Variants in TSHZ2 observed in about 807,000 individuals in gnomAD.
TSHZ2 encodes the protein teashirt homolog 2.
Under a neutral mutation model 74.4 loss-of-function variants are expected in TSHZ2, and 21 were observed. That is an observed-to-expected ratio of 0.28 (90% confidence interval 0.20 to 0.41). The LOEUF is 0.41. Among genes scored for constraint, TSHZ2 ranks in the 10% least tolerant of loss-of-function variants. The pLI, the probability that TSHZ2 is intolerant of heterozygous loss-of-function variation, is 1.00. For synonymous variants in TSHZ2, 540 were observed against 515.3 expected, an observed-to-expected ratio of 1.05 and a Z score of -0.65; for missense variants, 1,244 against 1,293.5, an observed-to-expected ratio of 0.96 and a Z score of 0.59.
intron 1 of TSHZ2, among the ~76,000 whole-genome samples, chr20:53,048,610 T>C (rs1411527323): frequency 6.6e-6 from 1 of 152,164 alleles, no homozygotes; most frequent in Non-Finnish European, 1.5e-5. Flanking sequence ...AGCAGGAAAG[T>C]TTCCGGCGGA....
chr20:53,223,914 CA>C (rs1989623065), intron 1 of TSHZ2, among the ~76,000 whole-genome samples: 3 of 134,390 alleles, frequency 2.2e-5, no homozygotes, highest in Non-Finnish European at 5.3e-5. Context: ...CACACACACA[CA>C]CACACACACA....
intron 1 of TSHZ2, among the ~76,000 whole-genome samples, chr20:53,244,497 G>A (rs192064757): frequency 1.4e-4 from 21 of 152,130 alleles, no homozygotes; most frequent in African/African-American, 5.1e-4. Context: ...CTAAACTGGA[G>A]CTACCAAAAA....
intron 1 of TSHZ2, among the ~76,000 whole-genome samples, chr20:53,165,178 G>A (rs890998092): frequency 1.3e-5 from 2 of 152,158 alleles, no homozygotes; most frequent in African/African-American, 2.4e-5. Context: ...AACACTCATA[G>A]TGTGCCTATT....
intron 1 of TSHZ2, among the ~76,000 whole-genome samples, chr20:53,240,364 T>C (rs1200317779): frequency 1.3e-5 from 2 of 152,164 alleles, no homozygotes; most frequent in Non-Finnish European, 2.9e-5. Flanking sequence ...GCAACCATAG[T>C]GTCTCCTATG....
At chr20:53,197,887 G>A (rs1245591018) in intron 1 of TSHZ2, among the ~76,000 whole-genome samples, 1 of 152,160 alleles carries the variant, frequency 6.6e-6, no homozygotes, top group Non-Finnish European at 1.5e-5. Flanking sequence ...GCAAACCCAG[G>A]TAGCAGTAAA....
chr20:53,210,694 C>T (rs1989282749), intron 1 of TSHZ2, among the ~76,000 whole-genome samples: 1 of 152,056 alleles, frequency 6.6e-6, no homozygotes, highest in Admixed American at 6.6e-5. Context: ...CCTGTTCCCA[C>T]TTAAAGCTTC....
At chr20:53,454,685 A>C (rs1984978275) in intron 2 of TSHZ2, among the ~76,000 whole-genome samples, 1 of 152,076 alleles carries the variant, frequency 6.6e-6, no homozygotes, top group Non-Finnish European at 1.5e-5. Flanking sequence ...CCCCTTTCTC[A>C]AAGTAGCCCC....
chr20:53,315,509 C>A (rs1285449944), intron 2 of TSHZ2, among the ~76,000 whole-genome samples: 1 of 152,184 alleles, frequency 6.6e-6, no homozygotes, highest in Non-Finnish European at 1.5e-5. Context: ...TGTCAAAATT[C>A]TTTGAAAGTG....
intron 1 of TSHZ2, among the ~76,000 whole-genome samples, chr20:53,100,180 G>T (rs1986176008): frequency 2.0e-5 from 3 of 152,152 alleles, no homozygotes; most frequent in South Asian, 4.1e-4. Context: ...GAGAGTAAAA[G>T]ATGGAGCCTT....
chr20:53,210,642 G>A (rs183632742), intron 1 of TSHZ2, among the ~76,000 whole-genome samples: 1 of 151,988 alleles, frequency 6.6e-6, no homozygotes, highest in East Asian at 1.9e-4. Flanking sequence ...TGGGGGATAT[G>A]GAGGACCAAA....
chr20:53,185,449 C>T lies in TSHZ2; in HGVS notation c.41-68050C>T, dbSNP rs1217365086. On this transcript the variant is annotated intron_variant, in intron 1 of 2. Coordinates refer to ENST00000371497, the MANE Select transcript of TSHZ2 (RefSeq NM_173485.6). ...CAGCACTTTGGGAGGCCGAGGCAGG[C>T]AGATCAGATCATGAGGTCAGGAGTT... is the stretch of plus-strand genomic sequence containing the variant. 8 of 1,338,740 alleles carry T rather than the reference C, an allele frequency of 6.0e-6. No individual in the cohort carries two copies. In the Admixed American group the frequency reaches 2.1e-4, roughly 36 times the overall value. The allele number at this position is 1,338,740 out of a possible 1,614,324, so 82.9% of individuals were successfully genotyped here. A position where few individuals can be genotyped will look rare whatever the true frequency, so the allele number is the denominator to read the frequency against.
intron 2 of TSHZ2, among the ~76,000 whole-genome samples, chr20:53,404,484 C>T (rs1982773993): frequency 6.6e-6 from 1 of 152,178 alleles, no homozygotes. Flanking sequence ...CTAAAAGACA[C>T]TTGAAAGTAA....
chr20:53,250,470 T>C (rs1257472444), intron 1 of TSHZ2, among the ~76,000 whole-genome samples: 1 of 152,124 alleles, frequency 6.6e-6, no homozygotes, highest in Non-Finnish European at 1.5e-5. Context: ...TTTAGATGTA[T>C]AATATTGAAA....
intron 2 of TSHZ2, among the ~76,000 whole-genome samples, chr20:53,404,186 A>G (rs1397188035): frequency 1.3e-5 from 2 of 152,220 alleles, no homozygotes; most frequent in African/African-American, 4.8e-5. Flanking sequence ...ATAAATGGGA[A>G]AACGTGCATT....
At chr20:53,182,234 C>CTCCTTCCTTCCTTCTTTCCT (rs6147376) in intron 1 of TSHZ2, among the ~76,000 whole-genome samples, 44,216 of 146,168 alleles carry the variant, frequency 0.3, 7,386 homozygotes, top group East Asian at 0.77. Context: ...TCTTGACTCC[C>CTCCTTCCTTCCTTCTTTCCT]TCCTTCCTTC....
intron 1 of TSHZ2, among the ~76,000 whole-genome samples, chr20:53,183,707 C>G (rs577144471): frequency 1.3e-5 from 2 of 152,192 alleles, no homozygotes; most frequent in Admixed American, 1.3e-4. Flanking sequence ...GACTGACATA[C>G]TAGGGACCTG....
At chr20:53,450,559 C>T (rs970721472) in intron 2 of TSHZ2, among the ~76,000 whole-genome samples, 9 of 152,196 alleles carry the variant, frequency 5.9e-5, no homozygotes, top group African/African-American at 2.2e-4. Flanking sequence ...CTCTGTCACC[C>T]AAGCTCCAGG....
intron 2 of TSHZ2, among the ~76,000 whole-genome samples, chr20:53,365,559 T>C (rs1981227979): frequency 6.6e-6 from 1 of 152,156 alleles, no homozygotes; most frequent in African/African-American, 2.4e-5. Flanking sequence ...TTAGATGCCG[T>C]TTACGCTAAG....
At chr20:53,473,325 GCCT>G (rs1985887047) in intron 2 of TSHZ2, among the ~76,000 whole-genome samples, 1 of 143,330 alleles carries the variant, frequency 7.0e-6, no homozygotes, top group Non-Finnish European at 1.5e-5. Flanking sequence ...CGGGCAGACT[GCCT>G]CCTCAAGTGG....
Sources: allele counts gnomAD v4.1 joint callset (sites outside exome capture counted in the v4.1 genomes callset), GRCh38; gene constraint gnomAD v4.1.1; transcripts MANE v1.5; gene names NCBI Gene and HGNC (gene_info 2026-07-23, HGNC 2026-07-21).